The following PCDH11X variants were observed in gnomAD, a reference collection of about 807,000 sequenced individuals.
PCDH11X encodes protocadherin-11 X-linked.
A neutral mutation model predicts 53.3 loss-of-function variants in PCDH11X; 18 were observed. That is an observed-to-expected ratio of 0.34 (90% CI 0.23 to 0.50). PCDH11X has a LOEUF of 0.50. PCDH11X is among the 20% of genes least tolerant of loss of function. The pLI, the probability that PCDH11X is intolerant of heterozygous loss-of-function variation, is 0.98. For missense variants in PCDH11X, 570 were observed against 1,032.4 expected, an observed-to-expected ratio of 0.55 and a Z score of 6.14; for synonymous variants, 279 against 393.3, an observed-to-expected ratio of 0.71 and a Z score of 3.44.
intron 9 of PCDH11X, among the ~76,000 whole-genome samples, chrX:92,462,129 TTC>T (rs924601722): frequency 9.8e-5 from 11 of 112,028 alleles, no homozygotes; most frequent in African/African-American, 3.2e-5. Flanking sequence ...TTCAATTATA[TTC>T]TCTCTCTAGA....
chrX:92,497,175 A>C (rs180889180), intron 10 of PCDH11X, among the ~76,000 whole-genome samples: 18 of 109,343 alleles, frequency 1.6e-4, no homozygotes, highest in Middle Eastern at 4.7e-3. Context: ...AAAAATTACT[A>C]AGTGTAGGGG....
chrX:91,982,569 A>G (rs2062157725), intron 6 of PCDH11X: 2 of 446,754 alleles, frequency 4.5e-6, no homozygotes, highest in African/African-American at 5.1e-5. Flanking sequence ...CGTCCCAGAC[A>G]TACAACATTA....
intron 10 of PCDH11X, among the ~76,000 whole-genome samples, chrX:92,586,909 A>G (rs1924439577): frequency 9.1e-6 from 1 of 109,602 alleles, no homozygotes; most frequent in African/African-American, 3.3e-5. Flanking sequence ...GTGTCAGACC[A>G]TTAGATGAGT....
At chrX:92,059,925 C>A (rs2063502693) in intron 6 of PCDH11X, among the ~76,000 whole-genome samples, 1 of 110,671 alleles carries the variant, frequency 9.0e-6, no homozygotes, top group Non-Finnish European at 1.9e-5. Flanking sequence ...TTAACCAAAG[C>A]TAAATTTATC....
At position 92,263,102 on chromosome X, in the gene PCDH11X, A is replaced by G. The variant is rs779859549; in HGVS notation, c.3115-12A>G. The G allele has an allele frequency of 8.5e-7, 1 of 1,179,812 alleles. No individual in the cohort carries two copies. Among genetic ancestry groups the G allele is most frequent in the Admixed American group, 2.4e-5 (1 of 42,476 alleles). On this transcript the variant is annotated splice_polypyrimidine_tract_variant and intron_variant, in intron 7 of 10. Coordinates refer to ENST00000682573, the MANE Select transcript of PCDH11X (RefSeq NM_032968.5). ...CCTTTGCTTCCCTTGCCTCCATTTT[A>G]TCCTAAATCAGCGGAAATCTGAAGG...
rs772965937 is a variant in PCDH11X, at chrX:92,397,485, G to C, written c.3343+9552G>C. Reference sequence around the variant, plus strand: ...AGGAGTCAATTTTTTTTTTTTGGGTGGGGGGACGGAATCTCACTGTCACCC... The same window carrying C: ...AGGAGTCAATTTTTTTTTTTTGGGTCGGGGGACGGAATCTCACTGTCACCC... On this transcript the variant is annotated intron_variant, in intron 9 of 10. Coordinates refer to ENST00000682573, the MANE Select transcript of PCDH11X (RefSeq NM_032968.5). 5.5e-5 allele frequency among the ~76,000 whole-genome samples: 6 copies of C among 108,674 alleles called. No homozygotes were observed. In the East Asian group the frequency reaches 1.5e-3, roughly 27 times the overall value. The allele number at this position is 108,674 out of a possible 115,157, so 94.4% of individuals were successfully genotyped here.
At chrX:92,591,029 G>A (rs1429703295) in intron 10 of PCDH11X, among the ~76,000 whole-genome samples, 1 of 111,364 alleles carries the variant, frequency 9.0e-6, no homozygotes, top group African/African-American at 3.3e-5. Context: ...AATATTGGGT[G>A]TTCAGCAAGG....
chrX:92,266,750 T>A (rs900539240), intron 8 of PCDH11X, among the ~76,000 whole-genome samples: 1 of 109,778 alleles, frequency 9.1e-6, no homozygotes, highest in East Asian at 2.9e-4. Context: ...TTTCTTTTTT[T>A]TTTTTTTATG....
intron 10 of PCDH11X, among the ~76,000 whole-genome samples, chrX:92,613,533 TTG>T (rs1326884134): frequency 0.011 from 1,071 of 96,566 alleles, 7 homozygotes; most frequent in Non-Finnish European, 0.014. Flanking sequence ...AGTTTTTTTG[TTG>T]TTGTTGTTGT....
chrX:91,868,710 T>A (rs1006250026), intron 5 of PCDH11X, among the ~76,000 whole-genome samples: 7 of 111,927 alleles, frequency 6.3e-5, no homozygotes, highest in African/African-American at 1.9e-4. Flanking sequence ...AGCAATCAGT[T>A]AGGTTTACAG....
chrX:92,602,536 C>T (rs1448057925), intron 10 of PCDH11X, among the ~76,000 whole-genome samples: 86 of 108,955 alleles, frequency 7.9e-4, no homozygotes, highest in African/African-American at 2.8e-3. Flanking sequence ...TGAGTGGAGC[C>T]TAACTGGCTG....
intron 5 of PCDH11X, among the ~76,000 whole-genome samples, chrX:91,843,261 T>TTGTGTGTGTG (rs1491364737): frequency 9.2e-4 from 53 of 57,416 alleles, no homozygotes; most frequent in Middle Eastern, 8.1e-3. Context: ...ACATACATAC[T>TTGTGTGTGTG]TATGTGTGTG....
chrX:92,531,258 G>A (rs1301959351), intron 10 of PCDH11X, among the ~76,000 whole-genome samples: 1 of 111,176 alleles, frequency 9.0e-6, no homozygotes, highest in Non-Finnish European at 1.9e-5. Context: ...GAATACATAG[G>A]TACTATCAAA....
At chrX:91,861,358 G>C (rs1938665556) in intron 5 of PCDH11X, among the ~76,000 whole-genome samples, 1 of 110,501 alleles carries the variant, frequency 9.0e-6, no homozygotes, top group South Asian at 3.9e-4. Flanking sequence ...CTGCCCCAGT[G>C]AGATCAGAGT....
At chrX:92,067,727 G>A (rs62605342) in intron 6 of PCDH11X, among the ~76,000 whole-genome samples, 8,332 of 111,049 alleles carry the variant, frequency 0.075, 444 homozygotes, top group East Asian at 0.42. Context: ...AAAAGTTTGA[G>A]TAGAATTGGT....
chrX:91,929,358 A>G (rs1187623267), intron 6 of PCDH11X, among the ~76,000 whole-genome samples: 3 of 110,537 alleles, frequency 2.7e-5, no homozygotes, highest in African/African-American at 9.9e-5. Context: ...AGTTCTTACT[A>G]TGTGCCAGGT....
chrX:92,175,803 C>CACAT lies in PCDH11X; in HGVS notation c.3034-25571_3034-25570insCATA, dbSNP rs1556140702. 8.4e-5 allele frequency among the ~76,000 whole-genome samples: 8 copies of CACAT among 94,728 alleles called. No individual in the cohort carries two copies. The South Asian group carries it at 1.6e-3, about 19-fold the overall frequency. The allele number at this position is 94,728 out of a possible 115,157, so 82.3% of individuals were successfully genotyped here. A position where few individuals can be genotyped will look rare whatever the true frequency, so the allele number is the denominator to read the frequency against. ...ATATATATACACACACACACACACA[C>CACAT]AGAGAGAGAGAGAGACAAAAATATA... On this transcript the variant is annotated intron_variant, in intron 6 of 10. Transcript: ENST00000682573.
chrX:92,248,414 T>A (rs2067392612), intron 7 of PCDH11X, among the ~76,000 whole-genome samples: 1 of 111,376 alleles, frequency 9.0e-6, no homozygotes, highest in Admixed American at 9.6e-5. Flanking sequence ...CCCATACTAA[T>A]GAAATAGTAA....
intron 8 of PCDH11X, among the ~76,000 whole-genome samples, chrX:92,367,690 G>A (rs1228964333): frequency 1.8e-5 from 2 of 111,544 alleles, no homozygotes; most frequent in African/African-American, 6.5e-5. Flanking sequence ...AGGCAGGCCT[G>A]GTGGTGACAA....
Sources: gnomAD v4.1 joint callset for allele counts (sites outside exome capture counted in the v4.1 genomes callset) on GRCh38, gnomAD v4.1.1 for gene constraint, MANE v1.5 for transcripts, NCBI Gene and HGNC (gene_info 2026-07-23, HGNC 2026-07-21) for gene names.